Variants in SNTG2 observed in about 807,000 individuals in gnomAD.
SNTG2 encodes syntrophin gamma 2.
A neutral mutation model predicts 70.9 loss-of-function variants in SNTG2; 74 were observed. That is an observed-to-expected ratio of 1.04 (90% confidence interval 0.86 to 1.27). The LOEUF (loss-of-function observed/expected upper bound fraction) is 1.27. Ranked by LOEUF, SNTG2 falls within the 50% of genes most tolerant of loss-of-function variation. The pLI is 0.00. For synonymous variants in SNTG2, 278 were observed against 273.8 expected (o/e 1.02, Z -0.15); for missense variants, 717 against 690.7 (o/e 1.04, Z -0.43).
intron 7 of SNTG2, among the ~76,000 whole-genome samples, chr2:1,168,282 A>G (rs1670885640): frequency 6.7e-6 from 1 of 150,226 alleles, no homozygotes. Context: ...ACTGAAGCCT[A>G]GAAGCCGCCC....
At chr2:967,532 C>A (rs1290612194) in intron 1 of SNTG2, among the ~76,000 whole-genome samples, 1 of 152,096 alleles carries the variant, frequency 6.6e-6, no homozygotes, top group Middle Eastern at 3.2e-3. Context: ...TTTGAAATAA[C>A]CTTACATTCT....
chr2:1,138,149 G>A (rs913439296), intron 6 of SNTG2, among the ~76,000 whole-genome samples: 4 of 152,238 alleles, frequency 2.6e-5, no homozygotes, highest in Non-Finnish European at 5.9e-5. Flanking sequence ...AGCACAGGAG[G>A]TGTCAGGGCT....
chr2:1,117,742 C>A (rs553817280), intron 4 of SNTG2, among the ~76,000 whole-genome samples: 2 of 152,352 alleles, frequency 1.3e-5, no homozygotes, highest in East Asian at 3.9e-4. Flanking sequence ...GCACTGCTCC[C>A]CACCTTGTGG....
At chr2:1,058,024 C>T (rs371319578) in intron 1 of SNTG2, among the ~76,000 whole-genome samples, 28 of 152,086 alleles carry the variant, frequency 1.8e-4, no homozygotes, top group African/African-American at 6.5e-4. Flanking sequence ...GAGACACTAT[C>T]TCAAAAAGAC....
chr2:1,028,223 A>G (rs1416105127), intron 1 of SNTG2, among the ~76,000 whole-genome samples: 1 of 148,812 alleles, frequency 6.7e-6, no homozygotes, highest in Non-Finnish European at 1.5e-5. Flanking sequence ...AGAGGTAAGC[A>G]GGTGCATCAC....
intron 1 of SNTG2, among the ~76,000 whole-genome samples, chr2:1,043,514 T>C (rs551091860): frequency 1.3e-5 from 2 of 152,176 alleles, no homozygotes; most frequent in East Asian, 1.9e-4. Flanking sequence ...CAGAATAGTA[T>C]TTCCAAGTTT....
At chr2:1,201,485 G>T (rs6711210) in intron 8 of SNTG2, among the ~76,000 whole-genome samples, 49,044 of 151,538 alleles carry the variant, frequency 0.32, 8,476 homozygotes, top group East Asian at 0.65. Context: ...ATAGTTAATA[G>T]AAATACATTA....
intron 16 of SNTG2, among the ~76,000 whole-genome samples, chr2:1,328,808 T>C (rs1301130298): frequency 2.0e-5 from 3 of 151,744 alleles, no homozygotes; most frequent in Non-Finnish European, 2.9e-5. Context: ...CACACACACA[T>C]ACACACACAT....
At chr2:1,259,154 G>C (rs971550011) in intron 12 of SNTG2, among the ~76,000 whole-genome samples, 5 of 152,142 alleles carry the variant, frequency 3.3e-5, no homozygotes, top group Non-Finnish European at 7.3e-5. Flanking sequence ...GTCGGTAAAG[G>C]ATCTATTATA....
At chr2:982,723 C>G (rs888434124) in intron 1 of SNTG2, among the ~76,000 whole-genome samples, 2 of 152,234 alleles carry the variant, frequency 1.3e-5, no homozygotes, top group African/African-American at 4.8e-5. Flanking sequence ...GGGCAGCTAT[C>G]TCTTCTCTTG....
At chr2:953,062 A>G (rs891744507) in intron 1 of SNTG2, among the ~76,000 whole-genome samples, 9 of 152,220 alleles carry the variant, frequency 5.9e-5, no homozygotes, top group Non-Finnish European at 1.0e-4. Flanking sequence ...AGTCAAAACT[A>G]TACACATTCT....
chr2:1,123,967 G>T (rs1667539130), intron 4 of SNTG2, among the ~76,000 whole-genome samples: 2 of 152,208 alleles, frequency 1.3e-5, no homozygotes, highest in South Asian at 4.1e-4. Context: ...GATGGTCACA[G>T]AAGCTGGGGA....
intron 14 of SNTG2, among the ~76,000 whole-genome samples, chr2:1,294,367 T>C (rs1680114288): frequency 1.3e-5 from 2 of 152,224 alleles, no homozygotes; most frequent in South Asian, 4.1e-4. Flanking sequence ...GAGAATTTCA[T>C]CTAATCTCTC....
intron 6 of SNTG2, among the ~76,000 whole-genome samples, chr2:1,162,019 G>C (rs28631907): frequency 6.7e-6 from 1 of 148,938 alleles, no homozygotes; most frequent in East Asian, 2.0e-4. Flanking sequence ...GCTTGCAGTG[G>C]GCCCAGATGG....
chr2:978,466 TAAA>T (rs1660987012), intron 1 of SNTG2, among the ~76,000 whole-genome samples: 1 of 152,142 alleles, frequency 6.6e-6, no homozygotes, highest in Non-Finnish European at 1.5e-5. Context: ...TCTCAAAAAT[TAAA>T]TAAAAAGGAA....
At chr2:1,171,057 T>C (rs1438185845) in intron 7 of SNTG2, among the ~76,000 whole-genome samples, 3 of 152,206 alleles carry the variant, frequency 2.0e-5, no homozygotes, top group Non-Finnish European at 4.4e-5. Context: ...GATCATATAC[T>C]ACATGTTTTC....
At chr2:1,219,010 G>T (rs552297757) in intron 9 of SNTG2, among the ~76,000 whole-genome samples, 1 of 152,318 alleles carries the variant, frequency 6.6e-6, no homozygotes, top group Admixed American at 6.5e-5. Context: ...ATCTCATGTT[G>T]AAATATAATC....
intron 14 of SNTG2, among the ~76,000 whole-genome samples, chr2:1,272,017 G>A (rs939135518): frequency 2.0e-5 from 3 of 152,080 alleles, no homozygotes; most frequent in Non-Finnish European, 4.4e-5. Flanking sequence ...AGTCAGCAAC[G>A]GTCCCAACCT....
Position 1,097,035 on chromosome 2 carries a change from AATACT to A in SNTG2, c.211-1157_211-1153del, listed in dbSNP as rs1422501203. ...TATAAAATTATTTTTGTCAGTTAAA[AATACT>A]ATATGTCCAAAAAGGATCGAAATGG... On this transcript the variant is annotated intron_variant, in intron 2 of 16. Transcript: ENST00000308624. This position sits in a 1 kb window ranked among gnomAD's most constrained non-coding sequence, Gnocchi z 4.1. 1.3e-5 allele frequency among the ~76,000 whole-genome samples: 2 copies of A among 152,224 alleles called. No individual in the cohort carries two copies. The highest frequency in any genetic ancestry group is 2.9e-5 in the Non-Finnish European group (2 of 68,048).
Sources: allele counts gnomAD v4.1 joint callset (sites outside exome capture counted in the v4.1 genomes callset), GRCh38; gene constraint gnomAD v4.1.1; non-coding constraint Gnocchi (gnomAD v3.1); transcripts MANE v1.5; gene names NCBI Gene and HGNC (gene_info 2026-07-23, HGNC 2026-07-21).